MTUS2: variants seen among roughly 807,000 people sequenced by gnomAD.
MTUS2 encodes microtubule associated scaffold protein 2.
MTUS2 carries 40 observed loss-of-function variants against 114.1 expected under a neutral mutation model. The observed-to-expected ratio is 0.35, with a 90% confidence interval of 0.27 to 0.46. The LOEUF (loss-of-function observed/expected upper bound fraction) is 0.46. MTUS2 is among the 20% of genes least tolerant of loss of function. The pLI is 1.00. For missense variants in MTUS2, 1,679 were observed against 1,705.4 expected (o/e 0.98, Z 0.27); for synonymous variants, 688 against 672.0 (o/e 1.02, Z -0.37).
chr13:29,059,971 C>T (rs1001812186), intron 4 of MTUS2, among the ~76,000 whole-genome samples: 1 of 152,230 alleles, frequency 6.6e-6, no homozygotes, highest in African/African-American at 2.4e-5. Flanking sequence ...CTCTAGCAGG[C>T]ATTGCCTGCC....
At chr13:28,882,114 C>A (rs1383040491) in intron 2 of MTUS2, among the ~76,000 whole-genome samples, 2 of 151,808 alleles carry the variant, frequency 1.3e-5, no homozygotes, top group Non-Finnish European at 2.9e-5. Context: ...GGCTGGAGTG[C>A]GGCAGCATGA....
intron 14 of MTUS2, 85 bp from the exon 15 acceptor site, chr13:29,501,012 C>A: frequency 1.0e-6 from 1 of 1,001,442 alleles, no homozygotes; most frequent in Non-Finnish European, 1.5e-6. Flanking sequence ...TCTTGATAAT[C>A]CTCCAATGCC....
chr13:29,331,977 A>G (rs759040609), intron 7 of MTUS2, among the ~76,000 whole-genome samples: 2 of 151,574 alleles, frequency 1.3e-5, no homozygotes, highest in Non-Finnish European at 2.9e-5. Flanking sequence ...TTTATTGAGG[A>G]TTTTCTCGTT....
At chr13:29,243,045 T>A (rs1257528040) in intron 5 of MTUS2, among the ~76,000 whole-genome samples, 1 of 152,118 alleles carries the variant, frequency 6.6e-6, no homozygotes, top group Non-Finnish European at 1.5e-5. Context: ...CAAAGAGAGT[T>A]TGAGACAGAT....
At chr13:29,229,221 C>A (rs1243743307) in intron 5 of MTUS2, among the ~76,000 whole-genome samples, 1 of 152,082 alleles carries the variant, frequency 6.6e-6, no homozygotes, top group East Asian at 1.9e-4. Flanking sequence ...TTTCTGTGTT[C>A]CACCTTTGGT....
intron 5 of MTUS2, among the ~76,000 whole-genome samples, chr13:29,105,072 T>C (rs7987444): frequency 0.67 from 102,175 of 152,012 alleles, 35,051 homozygotes; most frequent in Non-Finnish European, 0.74. Context: ...ACGATGCCCA[T>C]GGGAAATAGT....
chr13:29,167,353 C>A (rs972715119), intron 5 of MTUS2, among the ~76,000 whole-genome samples: 1 of 149,644 alleles, frequency 6.7e-6, no homozygotes, highest in East Asian at 2.0e-4. Context: ...CCAGCCTGGG[C>A]GACAGAGCAA....
chr13:29,225,659 C>A (rs953677201), intron 5 of MTUS2, among the ~76,000 whole-genome samples: 3 of 152,190 alleles, frequency 2.0e-5, no homozygotes, highest in African/African-American at 7.2e-5. Flanking sequence ...CTTGTCGTAA[C>A]AAATTAGCAT....
chr13:28,894,836 A>G (rs900767106), intron 2 of MTUS2, among the ~76,000 whole-genome samples: 1 of 152,098 alleles, frequency 6.6e-6, no homozygotes, highest in Non-Finnish European at 1.5e-5. Context: ...CTAAGTATGG[A>G]CTCTTGGAGC....
chr13:29,246,055 C>T (rs1293940373), intron 5 of MTUS2, among the ~76,000 whole-genome samples: 1 of 152,008 alleles, frequency 6.6e-6, no homozygotes, highest in Non-Finnish European at 1.5e-5. Flanking sequence ...GAAAATGATC[C>T]TGGTATATTT....
intron 2 of MTUS2, among the ~76,000 whole-genome samples, chr13:28,894,308 G>GA (rs1879122946): frequency 3.1e-5 from 1 of 32,746 alleles, no homozygotes; most frequent in Non-Finnish European, 7.0e-5. Context: ...GAGAGAGGGG[G>GA]GGGGGGAGGG....
chr13:29,483,603 G>A lies in MTUS2; in HGVS notation c.3399+3239G>A, dbSNP rs180949729. ...CAGGGCCCAGAACCGCAAGCATCAC[G>A]GGAGCTGCAGGACCCTGCTGGCTCG... On this transcript the variant is annotated intron_variant, in intron 10 of 15. Coordinates refer to ENST00000612955, the MANE Select transcript of MTUS2 (RefSeq NM_001033602.4). Among the ~76,000 whole-genome samples, 300 of 152,312 alleles carry A rather than the reference G, an allele frequency of 2.0e-3. 2 individuals are homozygous for A. The highest frequency in any genetic ancestry group is 2.8e-3 in the Non-Finnish European group (192 of 68,022).
intron 5 of MTUS2, among the ~76,000 whole-genome samples, chr13:29,245,731 C>G (rs1470688706): frequency 2.1e-5 from 3 of 139,776 alleles, no homozygotes; most frequent in Non-Finnish European, 4.5e-5. Context: ...GAGTCTCGCT[C>G]TGTCACCCAG....
intron 8 of MTUS2, among the ~76,000 whole-genome samples, chr13:29,401,886 C>T (rs1874378068): frequency 6.6e-6 from 1 of 152,094 alleles, no homozygotes; most frequent in African/African-American, 2.4e-5. Context: ...AAGAAAAGCT[C>T]ATTGGGATTT....
intron 8 of MTUS2, among the ~76,000 whole-genome samples, chr13:29,394,487 C>T (rs561276290): frequency 6.6e-6 from 1 of 152,286 alleles, no homozygotes; most frequent in East Asian, 1.9e-4. Flanking sequence ...GTGGCAACTA[C>T]AGTCCTTATT....
At chr13:29,324,461 C>G (rs1180653440) in intron 6 of MTUS2, among the ~76,000 whole-genome samples, 152 bp from the exon 7 acceptor site, 1 of 152,166 alleles carries the variant, frequency 6.6e-6, no homozygotes, top group African/African-American at 2.4e-5. Flanking sequence ...TCATCAAGCA[C>G]AGGGGGTGGT....
chr13:29,360,154 C>T (rs192789798), intron 8 of MTUS2, among the ~76,000 whole-genome samples: 1 of 152,330 alleles, frequency 6.6e-6, no homozygotes, highest in East Asian at 1.9e-4. Flanking sequence ...ATTTGTTCTC[C>T]ACCTTGAAGT....
At chr13:29,002,785 C>A (rs1642631049) in intron 2 of MTUS2, among the ~76,000 whole-genome samples, 3 of 152,272 alleles carry the variant, frequency 2.0e-5, no homozygotes, top group African/African-American at 7.2e-5. Flanking sequence ...GAAAATTCTA[C>A]AGTACATTTT....
chr13:29,173,742 T>A (rs986044793), intron 5 of MTUS2, among the ~76,000 whole-genome samples: 3 of 152,048 alleles, frequency 2.0e-5, no homozygotes, highest in African/African-American at 7.2e-5. Flanking sequence ...TCAAAGAAAT[T>A]ATATTGCTCT....
Sources: gnomAD v4.1 joint callset for allele counts (sites outside exome capture counted in the v4.1 genomes callset) on GRCh38, gnomAD v4.1.1 for gene constraint, MANE v1.5 for transcripts, NCBI Gene and HGNC (gene_info 2026-07-23, HGNC 2026-07-21) for gene names.